The following EIF4G3 variants were observed in gnomAD, a reference collection of about 807,000 sequenced individuals.
EIF4G3 encodes eIF-4-gamma 3.
In EIF4G3, 34 loss-of-function variants were observed where a neutral mutation model predicts 186.4. That is an observed-to-expected ratio of 0.18 (90% confidence interval 0.14 to 0.24). The LOEUF (loss-of-function observed/expected upper bound fraction) is 0.24, where lower values mean the gene tolerates loss of function less well. Ranked by LOEUF, EIF4G3 falls within the 10% of genes least tolerant of loss-of-function variation. The pLI is 1.00. For missense variants in EIF4G3, 1,536 were observed against 1,948.5 expected (o/e 0.79, Z 3.99); for synonymous variants, 673 against 679.5 (o/e 0.99, Z 0.15).
intron 30 of EIF4G3, among the ~76,000 whole-genome samples, chr1:20,836,793 C>T (rs1316360070): frequency 6.6e-6 from 1 of 152,144 alleles, no homozygotes; most frequent in African/African-American, 2.4e-5. Context: ...CAGCAAACTG[C>T]ACTCAACTAT....
At chr1:20,959,577 T>C (rs560450561) in intron 12 of EIF4G3, among the ~76,000 whole-genome samples, 10 of 150,198 alleles carry the variant, frequency 6.7e-5, no homozygotes, top group Non-Finnish European at 1.0e-4. Context: ...AAAGAAACAA[T>C]AGAGTAAAAA....
At chr1:20,932,772 C>A (rs2095371114) in intron 14 of EIF4G3, among the ~76,000 whole-genome samples, 1 of 151,964 alleles carries the variant, frequency 6.6e-6, no homozygotes, top group Admixed American at 6.6e-5. Context: ...ACTATAACAC[C>A]TATAATAATG....
intron 2 of EIF4G3, among the ~76,000 whole-genome samples, chr1:21,107,528 G>C (rs1452653250): frequency 6.6e-6 from 1 of 152,108 alleles, no homozygotes; most frequent in African/African-American, 2.4e-5. Flanking sequence ...AGTTGTATTG[G>C]CTAAGAGATG....
intron 29 of EIF4G3, among the ~76,000 whole-genome samples, chr1:20,848,342 A>G (rs1459494439): frequency 6.6e-6 from 1 of 152,210 alleles, no homozygotes; most frequent in Non-Finnish European, 1.5e-5. Context: ...TATCTGACAA[A>G]TACTTTAACA....
At chr1:20,907,028 C>G (rs2092307570) in intron 14 of EIF4G3, among the ~76,000 whole-genome samples, 3 of 152,126 alleles carry the variant, frequency 2.0e-5, no homozygotes, top group Admixed American at 6.6e-5. Flanking sequence ...ATAATTAACA[C>G]TGATTAAACT....
At chr1:20,978,086 C>T (rs1328456533) in intron 10 of EIF4G3, among the ~76,000 whole-genome samples, 1 of 152,082 alleles carries the variant, frequency 6.6e-6, no homozygotes, top group African/African-American at 2.4e-5. Flanking sequence ...GATTAATAAT[C>T]CCATTGTTTT....
chr1:20,889,684 G>T (rs1420240473), intron 18 of EIF4G3, among the ~76,000 whole-genome samples: 1 of 152,008 alleles, frequency 6.6e-6, no homozygotes, highest in Non-Finnish European at 1.5e-5. Flanking sequence ...TGGAGACGGG[G>T]TTTCACCGTG....
chr1:21,057,621 T>C (rs2094624722), intron 3 of EIF4G3, among the ~76,000 whole-genome samples: 1 of 152,130 alleles, frequency 6.6e-6, no homozygotes, highest in East Asian at 1.9e-4. Flanking sequence ...TTTAAAATTA[T>C]TTGTTAAACT....
chr1:21,144,125 T>C (rs183127198), intron 2 of EIF4G3, among the ~76,000 whole-genome samples: 3 of 152,184 alleles, frequency 2.0e-5, no homozygotes, highest in Non-Finnish European at 4.4e-5. Flanking sequence ...AGCAATGTCA[T>C]GTTTTAAGAG....
At chr1:20,963,698 A>T (rs2073967033) in intron 12 of EIF4G3, among the ~76,000 whole-genome samples, 1 of 152,146 alleles carries the variant, frequency 6.6e-6, no homozygotes, top group Admixed American at 6.5e-5. Flanking sequence ...TCATGCCTGT[A>T]ATCCTAGAGC....
At position 20,960,917 on chromosome 1, in the gene EIF4G3, A is replaced by G. The variant is rs553535070; in HGVS notation, c.714+8557T>C. On this transcript the variant is annotated intron_variant, in intron 12 of 36. Transcript: ENST00000602326. ...CTTATAAATCTGTCAGACAAAAATC[A>G]TCACCCAAAAGAAACGTGTACAACA... 2.0e-5 allele frequency among the ~76,000 whole-genome samples: 3 copies of G among 152,358 alleles called. No homozygotes were observed. The South Asian group carries it at 6.2e-4, about 32-fold the overall frequency.
chr1:20,935,315 C>G (rs1166714007), intron 14 of EIF4G3, among the ~76,000 whole-genome samples: 3 of 152,050 alleles, frequency 2.0e-5, no homozygotes, highest in Admixed American at 2.0e-4. Flanking sequence ...AAGAATAATG[C>G]TTGAAATGCC....
At chr1:20,933,508 A>T (rs866922189) in intron 14 of EIF4G3, among the ~76,000 whole-genome samples, 4 of 151,970 alleles carry the variant, frequency 2.6e-5, no homozygotes, top group Admixed American at 1.3e-4. Context: ...TACAAAAATT[A>T]TCCGGGCGTG....
chr1:21,023,401 T>G lies in EIF4G3; in HGVS notation c.-66-20593A>C, dbSNP rs540971426. On this transcript the variant is annotated intron_variant, in intron 4 of 36. Coordinates refer to ENST00000602326, the MANE Select transcript of EIF4G3 (RefSeq NM_001391906.1). ...CTCCTGCCTCAGCCTGCCGAGTGCC[T>G]GCGATTGCAGGCACGCGCCGCCATG... Among the ~76,000 whole-genome samples the G allele has an allele frequency of 4.7e-5, 7 of 149,052 alleles. No homozygotes were observed. In the East Asian group the frequency reaches 8.4e-4, roughly 18 times the overall value.
chr1:21,111,416 G>A (rs1196607380), intron 2 of EIF4G3: 1 of 471,190 alleles, frequency 2.1e-6, no homozygotes, highest in Non-Finnish European at 4.4e-6. Flanking sequence ...GGCTTATGAT[G>A]GGCTTAGCAC....
chr1:21,173,125 G>C (rs1468528232), intron 2 of EIF4G3, among the ~76,000 whole-genome samples: 2 of 101,358 alleles, frequency 2.0e-5, no homozygotes, highest in Non-Finnish European at 3.6e-5. Context: ...GCAACAGAGC[G>C]AGACTCAATC....
At chr1:21,075,702 T>C (rs1451241356) in intron 3 of EIF4G3, among the ~76,000 whole-genome samples, 3 of 149,260 alleles carry the variant, frequency 2.0e-5, no homozygotes, top group Admixed American at 2.0e-4. Context: ...ATAAAACAGG[T>C]TATAAGTCAA....
chr1:21,005,237 ATATAGTT>A (rs2084732033), intron 4 of EIF4G3, among the ~76,000 whole-genome samples: 2 of 152,162 alleles, frequency 1.3e-5, no homozygotes, highest in Non-Finnish European at 2.9e-5. Context: ...GAGAATCTGA[ATATAGTT>A]TTAAAAGAGA....
chr1:20,811,035 C>T (rs1244964189), intron 35 of EIF4G3, 151 bp from the exon 36 acceptor site: 5 of 690,068 alleles, frequency 7.2e-6, no homozygotes, highest in East Asian at 5.8e-5. Context: ...CTGCAACCTC[C>T]GTCTCCCAGG....
Sources: gnomAD v4.1 joint callset for allele counts (sites outside exome capture counted in the v4.1 genomes callset) on GRCh38, gnomAD v4.1.1 for gene constraint, MANE v1.5 for transcripts, NCBI Gene and HGNC (gene_info 2026-07-23, HGNC 2026-07-21) for gene names.